PIGN: variants seen among roughly 807,000 people sequenced by gnomAD.
PIGN encodes phosphatidylinositol glycan anchor biosynthesis class N.
A neutral mutation model predicts 125.4 loss-of-function variants in PIGN; 117 were observed. That is an observed-to-expected ratio of 0.93 (90% CI 0.80 to 1.09). The LOEUF (loss-of-function observed/expected upper bound fraction) is 1.09. Among genes scored for constraint, PIGN ranks in the 50% least tolerant of loss-of-function variants. PIGN has a pLI of 0.00. For synonymous variants in PIGN, 392 were observed against 377.8 expected, an observed-to-expected ratio of 1.04 and a Z score of -0.44; for missense variants, 1,075 against 1,094.9, an observed-to-expected ratio of 0.98 and a Z score of 0.26.
chr18:62,092,636 T>G (rs1182999500), intron 23 of PIGN, among the ~76,000 whole-genome samples: 1 of 151,962 alleles, frequency 6.6e-6, no homozygotes. Flanking sequence ...AAATAGAACA[T>G]GTACTGTGAT....
rs919135004 is a variant in PIGN at position 62,161,347 on chromosome 18, G to A, written c.7C>T (p.Leu3=). Reference sequence around the variant, plus strand: ...ATAAGCAATCCCAAAGTAAAGAACAGCAGCATATCCAGTGTAACTAATTAG... The same window carrying A: ...ATAAGCAATCCCAAAGTAAAGAACAACAGCATATCCAGTGTAACTAATTAG... The part of the protein sequence containing the change: ML[L]FFTLGLLIHF... Residue 3 remains leucine (L), a synonymous_variant, in exon 4 of 31, where the codon CTG becomes TTG. Transcript: ENST00000640252. 2 of 1,608,612 alleles carry A rather than the reference G, an allele frequency of 1.2e-6. No individual in the cohort carries two copies. The highest frequency in any genetic ancestry group is 1.7e-6 in the Non-Finnish European group (2 of 1,176,076).
At chr18:62,134,262 G>A (rs7243049) in intron 14 of PIGN, among the ~76,000 whole-genome samples, 13,153 of 151,974 alleles carry the variant, frequency 0.087, 1,879 homozygotes, top group African/African-American at 0.3. Context: ...GCGTGGTGGC[G>A]TGCTTGTAAG....
At chr18:62,159,580 C>T (rs888578264) in intron 4 of PIGN, among the ~76,000 whole-genome samples, 1 of 152,204 alleles carries the variant, frequency 6.6e-6, no homozygotes, top group Admixed American at 6.5e-5. Flanking sequence ...CTTATTTTCC[C>T]ACAATGTTCG....
At chr18:62,179,776 G>C (rs923275870) in intron 1 of PIGN, among the ~76,000 whole-genome samples, 1 of 151,918 alleles carries the variant, frequency 6.6e-6, no homozygotes, top group African/African-American at 2.4e-5. Context: ...ATAAATAAAA[G>C]CCATCTGTCA....
rs1411423762 is a variant in PIGN at position 62,113,260 on chromosome 18, G to A, written c.1308C>T (p.His436=). The A allele has an allele frequency of 1.9e-6, 3 of 1,612,632 alleles. No individual in the cohort carries two copies. Among genetic ancestry groups the A allele is most frequent in the African/African-American group, 1.3e-5 (1 of 74,900 alleles). ...HLALKGLSYY[H]TYDRFFLGVN... is the part of the protein sequence containing the mutation. ...CGCCCAAAAAGAATCTGTCATATGT[G>A]TGATAATAGGACAATCCTTTCAATG... The change falls in exon 16 of 31, where the codon CAC becomes CAT. Residue 436 remains histidine, a synonymous_variant. Coordinates refer to ENST00000640252, the MANE Select transcript of PIGN (RefSeq NM_176787.5).
chr18:62,163,890 T>C (rs905710917), intron 1 of PIGN, among the ~76,000 whole-genome samples: 3 of 152,204 alleles, frequency 2.0e-5, no homozygotes, highest in African/African-American at 7.2e-5. Flanking sequence ...TTTCCATGGG[T>C]ATAACTATTC....
intron 14 of PIGN, chr18:62,137,968 C>A: frequency 2.9e-6 from 1 of 349,788 alleles, no homozygotes; most frequent in Non-Finnish European, 5.2e-6. Flanking sequence ...CCCACACCTT[C>A]CTAGCCAACC....
At chr18:62,173,943 C>T (rs1453241703) in intron 1 of PIGN, among the ~76,000 whole-genome samples, 4 of 152,226 alleles carry the variant, frequency 2.6e-5, no homozygotes, top group South Asian at 4.1e-4. Flanking sequence ...CGGCCGGGTG[C>T]GGTGGCTTAC....
Position 62,084,452 on chromosome 18 carries a change from C to T in PIGN, c.2502+79G>A, listed in dbSNP as rs1311747579. ...CTGAAAGGATATCTTCTTTCCATTG[C>T]TACTTAACTCTGTCTAAATGACTTT... On this transcript the variant is annotated intron_variant, in intron 27 of 30. Transcript: ENST00000640252. 8.0e-6 allele frequency: 7 copies of T among 875,648 alleles called. No homozygotes were observed. In the Admixed American group the frequency reaches 1.1e-4, roughly 14 times the overall value. 54.2% of individuals were successfully genotyped at this position (875,648 alleles called of 1,614,324 possible).
At chr18:62,135,779 A>C (rs2147091799) in intron 14 of PIGN, 1 of 151,704 alleles carries the variant, frequency 6.6e-6, no homozygotes, top group South Asian at 2.1e-4. Context: ...AGCAGGTGCC[A>C]CCATGCCTGG....
chr18:62,104,906 A>C (rs2034578954), intron 20 of PIGN: 1 of 152,196 alleles, frequency 6.6e-6, no homozygotes, highest in Non-Finnish European at 1.5e-5. Context: ...TTTACTTGAC[A>C]ATAAAGTGCA....
chr18:62,112,795 T>C (rs983504351), intron 16 of PIGN: 11 of 298,664 alleles, frequency 3.7e-5, no homozygotes, highest in Non-Finnish European at 6.1e-5. Context: ...GAAGTAGTTT[T>C]CTGACCAGTT....
intron 14 of PIGN, among the ~76,000 whole-genome samples, chr18:62,120,491 C>T (rs1047940043): frequency 2.0e-5 from 3 of 151,882 alleles, no homozygotes; most frequent in Non-Finnish European, 4.4e-5. Flanking sequence ...GCAAAAGGCA[C>T]AGTGAATATA....
intron 2 of PIGN, 107 bp downstream of exon 2, chr18:62,163,423 AT>A (rs2037024482): frequency 2.6e-5 from 4 of 152,260 alleles, no homozygotes; most frequent in African/African-American, 7.2e-5. Context: ...GGCACATGGT[AT>A]TTTTTGTTTT....
At chr18:62,080,581 T>C (rs963606033) in intron 28 of PIGN, among the ~76,000 whole-genome samples, 1 of 152,174 alleles carries the variant, frequency 6.6e-6, no homozygotes, top group Non-Finnish European at 1.5e-5. Flanking sequence ...CTGACATATC[T>C]CCTTGCCTTT....
rs780781469 is a variant in PIGN, at chr18:62,082,682, G to A, written c.2567C>T (p.Ser856Leu). The change falls in exon 28 of 31, where the codon TCG becomes TTG. Residue 856 changes from serine to leucine, a missense_variant. Physicochemically the swap from Ser to Leu is moderately radical, Grantham distance 145. Around this residue, in one of 3 missense-constraint regions of PIGN, gnomAD observed 915 missense variants for 908.7 expected, o/e 1.01. Transcript: ENST00000640252. ...FEAVQLTTQLSSKSLFLIVLV... is the reference protein window; with the variant it reads ...FEAVQLTTQLLSKSLFLIVLV... ...AACTAATTCATCTTACCTTTTTGAC[G>A]ATAACTGAGTAGTCAACTGAACTGC... The A allele has an allele frequency of 1.9e-5, 29 of 1,528,862 alleles. No homozygotes were observed. The highest frequency in any genetic ancestry group is 1.7e-4 in the Middle Eastern group (1 of 5,920). The allele number at this position is 1,528,862 out of a possible 1,614,324, so 94.7% of individuals were successfully genotyped here. A position where few individuals can be genotyped will look rare whatever the true frequency, so the allele number is the denominator to read the frequency against.
At position 62,113,240 on chromosome 18, in the gene PIGN, A is replaced by G; in HGVS notation, c.1328T>C (p.Leu443Ser). Residue 443 changes from leucine (L) to serine (S), a missense_variant, in exon 16 of 31, where the codon TTG becomes TCG. This residue lies in a region of PIGN where 915 missense variants were observed against 908.7 expected (regional missense o/e 1.01). Coordinates refer to ENST00000640252, the MANE Select transcript of PIGN (RefSeq NM_176787.5). ...SYYHTYDRFF[L>S]GVNVVIGFVG... is the part of the protein sequence containing the mutation. The stretch of plus-strand genomic sequence containing the variant: ...AAAACCAATAACAACATTGACGCCC[A>G]AAAAGAATCTGTCATATGTGTGATA... 2 of 1,612,814 alleles carry G rather than the reference A, an allele frequency of 1.2e-6. No homozygotes were observed. Among genetic ancestry groups the G allele is most frequent in the Non-Finnish European group, 1.7e-6 (2 of 1,179,164 alleles).
At chr18:62,099,210 A>C (rs2034337785) in intron 22 of PIGN, among the ~76,000 whole-genome samples, 1 of 152,098 alleles carries the variant, frequency 6.6e-6, no homozygotes. Flanking sequence ...TAATCTTAAA[A>C]CACAGTGATT....
intron 14 of PIGN, among the ~76,000 whole-genome samples, chr18:62,132,659 T>C (rs1483390514): frequency 1.3e-5 from 2 of 152,030 alleles, no homozygotes; most frequent in African/African-American, 4.8e-5. Flanking sequence ...TTGGGCAACA[T>C]AGGGAGATCC....
Sources: gnomAD v4.1 joint callset for allele counts (sites outside exome capture counted in the v4.1 genomes callset) on GRCh38, gnomAD v4.1.1 for gene constraint, gnomAD v4.1.1 regional missense constraint, MANE v1.5 for transcripts, NCBI Gene and HGNC (gene_info 2026-07-23, HGNC 2026-07-21) for gene names.